Variants in PHTF1 observed in about 807,000 individuals in gnomAD.
PHTF1 encodes putative homeodomain transcription factor 1.
In PHTF1, 88 loss-of-function variants were observed where a neutral mutation model predicts 102.4. The ratio of observed to expected loss-of-function variants is 0.86; its 90% CI spans 0.72 to 1.03. The LOEUF (loss-of-function observed/expected upper bound fraction) is 1.03. PHTF1 is among the 50% of genes least tolerant of loss of function. The pLI, the probability that PHTF1 is intolerant of heterozygous loss-of-function variation, is 0.00. For synonymous variants in PHTF1, 289 were observed against 305.2 expected, an observed-to-expected ratio of 0.95 and a Z score of 0.55; for missense variants, 814 against 909.5, an observed-to-expected ratio of 0.89 and a Z score of 1.35.
intron 5 of PHTF1, among the ~76,000 whole-genome samples, chr1:113,727,016 A>G (rs997138100): frequency 3.3e-5 from 5 of 151,870 alleles, no homozygotes; most frequent in African/African-American, 9.7e-5. Context: ...CATTTCATAT[A>G]TAATGAAGAA....
intron 5 of PHTF1, among the ~76,000 whole-genome samples, chr1:113,736,955 G>T (rs945049296): frequency 7.2e-5 from 11 of 152,168 alleles, no homozygotes; most frequent in Non-Finnish European, 1.6e-4. Context: ...GCAGGAAAAT[G>T]ACATTATATG....
At chr1:113,738,688 AATAAT>A in intron 4 of PHTF1, 37 bp downstream of exon 4, 1 of 1,146,566 alleles carries the variant, frequency 8.7e-7, no homozygotes, top group Middle Eastern at 2.1e-4. Flanking sequence ...ATCCCTGTGA[AATAAT>A]ATAATAATGT....
intron 7 of PHTF1, among the ~76,000 whole-genome samples, chr1:113,722,222 C>T (rs781597977): frequency 2.6e-5 from 4 of 151,812 alleles, no homozygotes; most frequent in Non-Finnish European, 4.4e-5. Context: ...GAAACCAAGA[C>T]GGGCGGATCA....
At chr1:113,710,551 CT>C in intron 10 of PHTF1, 76 bp from the exon 11 acceptor site, 1 of 1,093,436 alleles carries the variant, frequency 9.1e-7, no homozygotes, top group African/African-American at 1.6e-5. Context: ...ATTAAAACAA[CT>C]TATCTACAGC....
chr1:113,699,635 A>G (rs1355349115), intron 17 of PHTF1, 69 bp downstream of exon 17: 4 of 749,586 alleles, frequency 5.3e-6, no homozygotes, highest in Non-Finnish European at 9.4e-6. Flanking sequence ...CTGCCATTTA[A>G]TGTTTTCTTA....
At chr1:113,717,136 C>A (rs1652187260) in intron 7 of PHTF1, among the ~76,000 whole-genome samples, 2 of 151,956 alleles carry the variant, frequency 1.3e-5, no homozygotes, top group Admixed American at 1.3e-4. Flanking sequence ...CTTGTTTATG[C>A]AATCAGTGTT....
At chr1:113,726,671 T>G in intron 5 of PHTF1, 97 bp from the exon 6 acceptor site, 1 of 792,356 alleles carries the variant, frequency 1.3e-6, no homozygotes, top group Non-Finnish European at 1.9e-6. Flanking sequence ...ATCCATCATT[T>G]AAAAAAGTAC....
At chr1:113,714,018 T>C (rs1420484221) in intron 7 of PHTF1, 1 of 152,618 alleles carries the variant, frequency 6.6e-6, no homozygotes, top group African/African-American at 2.4e-5. Context: ...TAGACACACC[T>C]TGGACCAAAA....
intron 15 of PHTF1, among the ~76,000 whole-genome samples, chr1:113,703,031 T>G (rs1249131474): frequency 6.6e-6 from 1 of 152,178 alleles, no homozygotes; most frequent in Non-Finnish European, 1.5e-5. Flanking sequence ...TAAATCTGGA[T>G]GTACCCAGTT....
At chr1:113,743,060 T>G (rs994025215) in intron 3 of PHTF1, among the ~76,000 whole-genome samples, 5 of 152,140 alleles carry the variant, frequency 3.3e-5, no homozygotes, top group African/African-American at 1.2e-4. Flanking sequence ...GTGATCCTCC[T>G]GCTGTGTCCT....
intron 3 of PHTF1, among the ~76,000 whole-genome samples, chr1:113,747,375 G>T (rs1214637146): frequency 6.6e-6 from 1 of 152,018 alleles, no homozygotes; most frequent in Non-Finnish European, 1.5e-5. Context: ...TTACATATCT[G>T]CTTCCAATAT....
chr1:113,750,475 AACAC>A (rs1333330328), intron 3 of PHTF1, among the ~76,000 whole-genome samples: 1 of 152,186 alleles, frequency 6.6e-6, no homozygotes, highest in African/African-American at 2.4e-5. Flanking sequence ...TTAAAAATAA[AACAC>A]ACAAAAAAGA....
At chr1:113,738,662 A>G in intron 4 of PHTF1, 68 bp downstream of exon 4, 1 of 888,684 alleles carries the variant, frequency 1.1e-6, no homozygotes, top group Non-Finnish European at 1.8e-6. Flanking sequence ...TATAGAGAAG[A>G]TATTGAAAAT....
chr1:113,755,502 C>T (rs527331011), intron 3 of PHTF1, among the ~76,000 whole-genome samples: 55 of 152,170 alleles, frequency 3.6e-4, no homozygotes, highest in African/African-American at 1.2e-3. Context: ...TTCTTCCCAC[C>T]GCCGCTAAAT....
intron 7 of PHTF1, among the ~76,000 whole-genome samples, chr1:113,718,839 A>T (rs1197018704): frequency 6.6e-6 from 1 of 152,098 alleles, no homozygotes; most frequent in Non-Finnish European, 1.5e-5. Flanking sequence ...TTTTCCTCCT[A>T]GGCCTCCAGG....
intron 15 of PHTF1, among the ~76,000 whole-genome samples, chr1:113,701,996 C>T (rs542588426): frequency 1.3e-4 from 20 of 151,816 alleles, no homozygotes; most frequent in African/African-American, 4.3e-4. Context: ...GAGAGAAACA[C>T]AGAAATTCAG....
intron 7 of PHTF1, among the ~76,000 whole-genome samples, chr1:113,717,794 G>A (rs1023980324): frequency 2.0e-5 from 3 of 152,086 alleles, no homozygotes; most frequent in Non-Finnish European, 2.9e-5. Context: ...ACTATCACGA[G>A]AATAGCATGG....
At chr1:113,724,291 C>T (rs1162064119) in intron 7 of PHTF1, among the ~76,000 whole-genome samples, 1 of 152,098 alleles carries the variant, frequency 6.6e-6, no homozygotes, top group Non-Finnish European at 1.5e-5. Flanking sequence ...GAAAGGAAAT[C>T]AGGCCAGGTG....
intron 7 of PHTF1, among the ~76,000 whole-genome samples, chr1:113,715,648 C>CAAAAAAAAAAAAAAAAAA (rs60517410): frequency 2.8e-4 from 7 of 24,978 alleles, no homozygotes; most frequent in Non-Finnish European, 4.7e-4. Context: ...AACCCTGTCT[C>CAAAAAAAAAAAAAAAAAA]AAAAAAAAAA....
Sources: allele counts gnomAD v4.1 joint callset (sites outside exome capture counted in the v4.1 genomes callset), GRCh38; gene constraint gnomAD v4.1.1; transcripts MANE v1.5; gene names NCBI Gene and HGNC (gene_info 2026-07-23, HGNC 2026-07-21).